Variants in MAGIX observed in about 807,000 individuals in gnomAD.
MAGIX encodes MAGI family member, X-linked.
A neutral mutation model predicts 10.0 loss-of-function variants in MAGIX; 13 were observed. The observed-to-expected ratio is 1.30, with a 90% confidence interval of 0.84 to 2.06. The LOEUF (loss-of-function observed/expected upper bound fraction) is 2.06, where lower values mean the gene tolerates loss of function less well. Ranked by LOEUF, MAGIX falls within the 30% of genes most tolerant of loss-of-function variation. The pLI is 0.00. For synonymous variants in MAGIX, 108 were observed against 106.8 expected (o/e 1.01, Z -0.07); for missense variants, 235 against 245.2 (o/e 0.96, Z 0.28).
In MAGIX at chrX:49,164,470, A is replaced by G. The variant is rs782550539; in HGVS notation, c.-54-237A>G. The G allele has an allele frequency of 2.4e-4, 111 of 462,011 alleles. No homozygotes were observed. In the South Asian group the frequency reaches 2.8e-3, roughly 12 times the overall value. The allele number at this position is 462,011 out of a possible 1,213,427, so 38.1% of individuals were successfully genotyped here. A position where few individuals can be genotyped will look rare whatever the true frequency, so the allele number is the denominator to read the frequency against. On this transcript the variant is annotated intron_variant, in intron 2 of 4. Coordinates refer to ENST00000616266, the Ensembl canonical transcript of MAGIX. ...GATAGGAAGGCCTGGAAGATTATTCACATGGCTGAGCCCAGGATTGTTTAT... is the reference window on the plus strand; with the variant it reads ...GATAGGAAGGCCTGGAAGATTATTCGCATGGCTGAGCCCAGGATTGTTTAT...
At chrX:49,164,046 C>T (rs1557096964) in intron 2 of MAGIX, 117 bp downstream of exon 2, 6 of 718,190 alleles carry the variant, frequency 8.4e-6, no homozygotes, top group Admixed American at 5.8e-5. Flanking sequence ...CCAAGGGGCG[C>T]GACTTGGGGC....
At chrX:49,163,826 C>T in exon 2 of MAGIX, 1 of 1,045,093 alleles carries the variant, frequency 9.6e-7, no homozygotes, top group South Asian at 2.8e-5. Flanking sequence ...CCCGGCAGCT[C>T]CTGGCGCGGT....
At chrX:49,163,614 G>A in intron 1 of MAGIX, 169 bp from the exon 2 acceptor site, 1 of 405,420 alleles carries the variant, frequency 2.5e-6, no homozygotes, top group African/African-American at 2.6e-5. Context: ...ACCCGCGACG[G>A]TCGGGGATCG....
chrX:49,162,833 CCCAGAGCTCAAAATTCGTAGCTGGCAG>C (rs1689232039), intron 1 of MAGIX: 1 of 745,315 alleles, frequency 1.3e-6, no homozygotes, highest in Non-Finnish European at 1.9e-6. Context: ...GTGAGCGCGC[CCCAGAGCTCAAAATTCGTAGCTGGCAG>C]CCCTGCGTCC....
chrX:49,165,413 T>C, intron 4 of MAGIX, 52 bp downstream of exon 5: 1 of 1,046,051 alleles, frequency 9.6e-7, no homozygotes, highest in Non-Finnish European at 1.3e-6. Context: ...AAGGGAGAGG[T>C]TCACAGAGTG....
exon 4 of MAGIX, chrX:49,165,209 A>T (rs1157467042): frequency 2.5e-6 from 3 of 1,187,941 alleles, no homozygotes; most frequent in African/African-American, 3.5e-5. Flanking sequence ...CTCGTGCTCC[A>T]CATCAACGGA....
At chrX:49,168,704 G>A (rs2065381150), downstream of MAGIX, among the ~76,000 whole-genome samples, 1 of 100,310 alleles carries the variant, frequency 1.0e-5, no homozygotes, top group African/African-American at 3.7e-5. Flanking sequence ...TTGAGCCTGG[G>A]AGGTCAAGGC....
intron 4 of MAGIX, chrX:49,165,820 T>G: frequency 2.6e-6 from 1 of 377,495 alleles, no homozygotes; most frequent in Non-Finnish European, 4.6e-6. Flanking sequence ...GGCTCCTAGA[T>G]GAGCGGGGTT....
At chrX:49,166,244 C>T (rs782120333) in exon 5 of MAGIX, 11 of 1,203,990 alleles carry the variant, frequency 9.1e-6, no homozygotes, top group Non-Finnish European at 1.2e-5. Context: ...CACGGTTTCT[C>T]CTCCTGAGCG....
At chrX:49,163,529 G>A in intron 1 of MAGIX, 1 of 238,459 alleles carries the variant, frequency 4.2e-6, no homozygotes, top group East Asian at 6.8e-5. Flanking sequence ...CGGGGTGTTC[G>A]GAGGTGTCTA....
In MAGIX at chrX:49,164,063, C is replaced by T. The variant is rs1164704556; in HGVS notation, c.-55+134C>T. ...AAGGGGCGCGACTTGGGGCGGGGAT[C>T]GGAGGGTGCTTCGAGTGGGAGGAGC... On this transcript the variant is annotated intron_variant, in intron 2 of 4. Coordinates refer to ENST00000616266, the Ensembl canonical transcript of MAGIX. 9.9e-6 allele frequency: 6 copies of T among 603,509 alleles called. 1 individual carries two copies. Among genetic ancestry groups the T allele is most frequent in the Non-Finnish European group, 1.4e-5 (6 of 437,634 alleles). 49.7% of individuals were successfully genotyped at this position (603,509 alleles called of 1,213,427 possible). A position where few individuals can be genotyped will look rare whatever the true frequency, so the allele number is the denominator to read the frequency against.
chrX:49,165,019 G>C (rs781869977), exon 3 of MAGIX: 2 of 1,211,256 alleles, frequency 1.7e-6, no homozygotes, highest in African/African-American at 1.7e-5. Flanking sequence ...CCGGGATGTA[G>C]CTGGGGACAC....
chrX:49,165,570 T>G, intron 4 of MAGIX: 1 of 387,559 alleles, frequency 2.6e-6, no homozygotes, highest in Non-Finnish European at 4.4e-6. Flanking sequence ...GGTGTCAGTC[T>G]CGAGGATAGG....
rs1483335463 is a variant in MAGIX, at chrX:49,164,075, C to T, written c.-55+146C>T. The T allele has an allele frequency of 1.4e-5, 7 of 500,199 alleles. No homozygotes were observed. The African/African-American group carries it at 1.5e-4, about 11-fold the overall frequency. The allele number at this position is 500,199 out of a possible 1,213,427, so 41.2% of individuals were successfully genotyped here. ...TTGGGGCGGGGATCGGAGGGTGCTT[C>T]GAGTGGGAGGAGCCTTGGGGTTATT... On this transcript the variant is annotated intron_variant, in intron 2 of 4. Transcript: ENST00000616266.
intron 4 of MAGIX, 56 bp from the exon 6 acceptor site, chrX:49,166,018 C>T: frequency 8.8e-7 from 1 of 1,132,432 alleles, no homozygotes; most frequent in Non-Finnish European, 1.2e-6. Context: ...CCTGTCCATC[C>T]TCAGCCAAAG....
At chrX:49,167,758 C>T (rs2065376760) in exon 5 of MAGIX, 1 of 111,829 alleles carries the variant, frequency 8.9e-6, no homozygotes. Context: ...GGCTCAAGAG[C>T]CCCAGTCTAT....
exon 5 of MAGIX, chrX:49,166,538 C>A: frequency 2.0e-6 from 1 of 494,282 alleles, no homozygotes; most frequent in Non-Finnish European, 3.3e-6. Flanking sequence ...GCTCTGACCA[C>A]ACTCCCCTCG....
exon 3 of MAGIX, chrX:49,164,966 T>C (rs1557097299): frequency 1.7e-6 from 2 of 1,212,103 alleles, no homozygotes; most frequent in Non-Finnish European, 2.2e-6. Flanking sequence ...TCTGTGGAGC[T>C]GGTTCGCGGT....
At chrX:49,164,139 C>T (rs2065349565) in intron 2 of MAGIX, 1 of 317,434 alleles carries the variant, frequency 3.2e-6, no homozygotes, top group African/African-American at 2.7e-5. Flanking sequence ...TCGGCGAGGG[C>T]TAGATTAGAT....
Sources: gnomAD v4.1 joint callset for allele counts (sites outside exome capture counted in the v4.1 genomes callset) on GRCh38, gnomAD v4.1.1 for gene constraint, MANE v1.5 for transcripts, NCBI Gene and HGNC (gene_info 2026-07-23, HGNC 2026-07-21) for gene names.